The following ALKBH6 variants were observed in gnomAD, a reference collection of about 807,000 sequenced individuals.
ALKBH6 encodes the protein alkB homolog 6, nucleotide demethylase.
ALKBH6 carries 20 observed loss-of-function variants against 25.1 expected under a neutral mutation model. The ratio of observed to expected loss-of-function variants is 0.80; its 90% CI spans 0.56 to 1.16. The LOEUF is 1.16. ALKBH6 is among the 50% of genes most tolerant of loss of function. The pLI, the probability that ALKBH6 is intolerant of heterozygous loss-of-function variation, is 0.00. For missense variants in ALKBH6, 263 were observed against 326.5 expected (o/e 0.81, Z 1.50); for synonymous variants, 156 against 147.5 (o/e 1.06, Z -0.42).
In ALKBH6 at chr19:36,013,690, A is replaced by C; in HGVS notation, c.-25-268T>G. ...ACACATATGCCTTCTCAATCCTCCC[A>C]CAGAGAACATTCTCTGGCCCCACAC... On this transcript the variant is annotated intron_variant, in intron 1 of 6. Coordinates refer to ENST00000378875, the MANE Select transcript of ALKBH6 (RefSeq NM_032878.5). The surrounding 1 kb of genome is among the most constrained non-coding windows in gnomAD (Gnocchi z 4.6). 1 of 1,313,364 alleles carries C rather than the reference A, an allele frequency of 7.6e-7. No individual in the cohort carries two copies. The highest frequency in any genetic ancestry group is 1.7e-5 in the South Asian group (1 of 58,216). 81.4% of individuals were successfully genotyped at this position (1,313,364 alleles called of 1,614,324 possible).
In ALKBH6 at chr19:36,013,080, CAGGTGGTGCCT is replaced by C. The variant is rs771941246; in HGVS notation, c.55-2_63del. 1 of 1,613,980 alleles carries C rather than the reference CAGGTGGTGCCT, an allele frequency of 6.2e-7. No homozygotes were observed. The highest frequency in any genetic ancestry group is 8.5e-7 in the Non-Finnish European group (1 of 1,179,890). On this transcript the variant is annotated splice_acceptor_variant and coding_sequence_variant, in exon 3 of 7. Coordinates refer to ENST00000378875, the MANE Select transcript of ALKBH6 (RefSeq NM_032878.5). LOFTEE classifies it high-confidence loss of function. This position sits in a 1 kb window ranked among gnomAD's most constrained non-coding sequence, Gnocchi z 4.6. ...ATGAAGTCAGGGACATAGTAGATTA[CAGGTGGTGCCT>C]AGGATAGAAAGACCCCCTGAAGGTG...
Position 36,009,125 on chromosome 19 carries a change from A to AT in ALKBH6, c.*164dup, listed in dbSNP as rs539038224. The AT allele has an allele frequency of 9.3e-6, 11 of 1,179,718 alleles. No individual in the cohort carries two copies. Among genetic ancestry groups the AT allele is most frequent in the African/African-American group, 3.2e-5 (2 of 63,130 alleles). The allele number at this position is 1,179,718 out of a possible 1,614,324, so 73.1% of individuals were successfully genotyped here. Reference sequence around the variant, plus strand: ...AATAAAAATATAAAACCAAGGAAAGATTTTTTTGTTTATTTGGTATGGGGT... The same window carrying AT: ...AATAAAAATATAAAACCAAGGAAAGATTTTTTTTGTTTATTTGGTATGGGGT... On this transcript the variant is annotated 3_prime_UTR_variant, in exon 7 of 7. Transcript: ENST00000378875.
Position 36,010,824 on chromosome 19 carries a change from A to G in ALKBH6, c.336+70T>C, listed in dbSNP as rs1350098441. On this transcript the variant is annotated intron_variant, in intron 5 of 6. Coordinates refer to ENST00000378875, the MANE Select transcript of ALKBH6 (RefSeq NM_032878.5). This position sits in a 1 kb window ranked among gnomAD's most constrained non-coding sequence, Gnocchi z 5.5. Reference sequence around the variant, plus strand: ...GGCTGCCTAATGAGTGAGGGTGGGTACAGAGTCCCCTGCCCCAGCACAGCT... The same window carrying G: ...GGCTGCCTAATGAGTGAGGGTGGGTGCAGAGTCCCCTGCCCCAGCACAGCT... 6.3e-7 allele frequency: 1 copy of G among 1,595,784 alleles called. No homozygotes were observed. The highest frequency in any genetic ancestry group is 1.7e-5 in the Admixed American group (1 of 59,920).
In ALKBH6 at chr19:36,013,927, T is replaced by G; in HGVS notation, c.-26+248A>C. ...CATGTCCACCCTCAGCCTCCTCGGA[T>G]CCCCCCATTTGGACGCCCCTCGGAT... On this transcript the variant is annotated intron_variant, in intron 1 of 6. Coordinates refer to ENST00000378875, the MANE Select transcript of ALKBH6 (RefSeq NM_032878.5). This position sits in a 1 kb window ranked among gnomAD's most constrained non-coding sequence, Gnocchi z 4.6. 3 of 1,348,926 alleles carry G rather than the reference T, an allele frequency of 2.2e-6. No homozygotes were observed. The highest frequency in any genetic ancestry group is 3.2e-5 in the East Asian group (1 of 30,862). The allele number at this position is 1,348,926 out of a possible 1,614,324, so 83.6% of individuals were successfully genotyped here.
Position 36,013,777 on chromosome 19 carries a change from T to G in ALKBH6, c.-25-355A>C. ...CCAGGGCTGCACTCCAGAGCCCCTT[T>G]AAACACCTTGAGACCCCGCTTCAGA... is the stretch of plus-strand genomic sequence containing the variant. On this transcript the variant is annotated intron_variant, in intron 1 of 6. Transcript: ENST00000378875. The surrounding 1 kb of genome is among the most constrained non-coding windows in gnomAD (Gnocchi z 4.6). The G allele has an allele frequency of 7.9e-7, 1 of 1,270,100 alleles. No homozygotes were observed. The highest frequency in any genetic ancestry group is 1.5e-5 in the African/African-American group (1 of 64,756). The allele number at this position is 1,270,100 out of a possible 1,614,324, so 78.7% of individuals were successfully genotyped here. A position where few individuals can be genotyped will look rare whatever the true frequency, so the allele number is the denominator to read the frequency against.
rs1158577817 is a variant in ALKBH6, at chr19:36,009,323, G to A, written c.684C>T (p.Arg228=). ...RVSLTIRRVP[R]VLRAGLLLGK is the part of the protein sequence containing the mutation. ...CCAGCAGGAGGCCGGCGCGCAGCAC[G>A]CGGGGCACGCGGCGGATGGTCAGCG... Residue 228 remains arginine (R), a synonymous_variant, in exon 7 of 7, where the codon CGC becomes CGT. Coordinates refer to ENST00000378875, the MANE Select transcript of ALKBH6 (RefSeq NM_032878.5). 1 of 1,357,370 alleles carries A rather than the reference G, an allele frequency of 7.4e-7. No individual in the cohort carries two copies. Among genetic ancestry groups the A allele is most frequent in the Non-Finnish European group, 9.5e-7 (1 of 1,052,514 alleles). 84.1% of individuals were successfully genotyped at this position (1,357,370 alleles called of 1,614,324 possible).
Position 36,010,677 on chromosome 19 carries a change from CGTG to C in ALKBH6, c.340_342del (p.His114del), listed in dbSNP as rs1568534645. 5.6e-6 allele frequency: 9 copies of C among 1,613,666 alleles called. No homozygotes were observed. Among genetic ancestry groups the C allele is most frequent in the Non-Finnish European group, 7.6e-6 (9 of 1,179,840 alleles). On this transcript the variant is annotated inframe_deletion, in exon 6 of 7. Coordinates refer to ENST00000378875, the MANE Select transcript of ALKBH6 (RefSeq NM_032878.5). This position sits in a 1 kb window ranked among gnomAD's most constrained non-coding sequence, Gnocchi z 5.5. ...GTCGGGTAGTACAGTGGTCCGTCCTCGTGGGGCTAGGGAGTGGGCACCAGGGCT... is the reference window on the plus strand; with the variant it reads ...GTCGGGTAGTACAGTGGTCCGTCCTCGGGCTAGGGAGTGGGCACCAGGGCT...
Position 36,009,276 on chromosome 19 carries a change from C to A in ALKBH6, c.*14G>T. Reference sequence around the variant, plus strand: ...GCAGGAACCTGGGAATCCGAGGGGTCCCGGCCCTGGCGGTCACTTGCCCAG... The same window carrying A: ...GCAGGAACCTGGGAATCCGAGGGGTACCGGCCCTGGCGGTCACTTGCCCAG... On this transcript the variant is annotated 3_prime_UTR_variant, in exon 7 of 7. Coordinates refer to ENST00000378875, the MANE Select transcript of ALKBH6 (RefSeq NM_032878.5). The A allele has an allele frequency of 7.5e-7, 1 of 1,337,486 alleles. No homozygotes were observed. Among genetic ancestry groups the A allele is most frequent in the South Asian group, 1.9e-5 (1 of 53,736 alleles). 82.9% of individuals were successfully genotyped at this position (1,337,486 alleles called of 1,614,324 possible).
rs185078895 is a variant in ALKBH6 at position 36,013,108 on chromosome 19, C to G, written c.55-19G>C. 1.4e-5 allele frequency: 22 copies of G among 1,610,628 alleles called. 1 individual carries two copies. In the East Asian group the frequency reaches 4.2e-4, roughly 31 times the overall value. On this transcript the variant is annotated intron_variant, in intron 2 of 6. Transcript: ENST00000378875. The surrounding 1 kb of genome is among the most constrained non-coding windows in gnomAD (Gnocchi z 4.6). ...GTGGTGCCTAGGATAGAAAGACCCC[C>G]TGAAGGTGTGGCCCTTCAACCCACA...
Position 36,013,160 on chromosome 19 carries a change from C to A in ALKBH6, c.55-71G>T. The A allele has an allele frequency of 6.6e-7, 1 of 1,510,940 alleles. No individual in the cohort carries two copies. Among genetic ancestry groups the A allele is most frequent in the Non-Finnish European group, 9.2e-7 (1 of 1,087,872 alleles). The allele number at this position is 1,510,940 out of a possible 1,614,324, so 93.6% of individuals were successfully genotyped here. On this transcript the variant is annotated intron_variant, in intron 2 of 6. Transcript: ENST00000378875. This position sits in a 1 kb window ranked among gnomAD's most constrained non-coding sequence, Gnocchi z 4.6. ...AGAGGACATATCATCACAGAGCAAC[C>A]CCTATGCCTGGAGACAGGCTCAGGA...
At chr19:36,011,089 G>A in intron 4 of ALKBH6, 44 bp from the exon 5 acceptor site, 1 of 1,557,890 alleles carries the variant, frequency 6.4e-7, no homozygotes, top group Non-Finnish European at 8.7e-7. Context: ...TATAGCAATA[G>A]ATCCCCCATT....
intron 6 of ALKBH6, 89 bp from the exon 7 acceptor site, chr19:36,009,642 C>T: frequency 1.0e-6 from 1 of 961,458 alleles, no homozygotes. Flanking sequence ...ATCAGCTAGT[C>T]CCCAGGGGCA....
At chr19:36,011,191 C>A (rs1968603429) in intron 4 of ALKBH6, 146 bp from the exon 5 acceptor site, 1 of 1,219,638 alleles carries the variant, frequency 8.2e-7, no homozygotes, top group East Asian at 2.6e-5. Flanking sequence ...GGTTTCCTCA[C>A]TTCTCCAGAC....
In ALKBH6 at chr19:36,011,472, G is replaced by A; in HGVS notation, c.124-8C>T. ...CTTTGGGGCATTAAAAACCTAAGAG[G>A]TGGGAAGGGGGTCACTCCTTTCTCA... On this transcript the variant is annotated splice_region_variant and splice_polypyrimidine_tract_variant and intron_variant, in intron 3 of 6. Coordinates refer to ENST00000378875, the MANE Select transcript of ALKBH6 (RefSeq NM_032878.5). 6 of 1,613,764 alleles carry A rather than the reference G, an allele frequency of 3.7e-6. No homozygotes were observed. The highest frequency in any genetic ancestry group is 5.1e-6 in the Non-Finnish European group (6 of 1,179,946).
In ALKBH6 at chr19:36,010,455, G is replaced by C; in HGVS notation, c.453+112C>G. 2 of 913,908 alleles carry C rather than the reference G, an allele frequency of 2.2e-6. No homozygotes were observed. The highest frequency in any genetic ancestry group is 3.5e-6 in the Non-Finnish European group (2 of 574,362). 56.6% of individuals were successfully genotyped at this position (913,908 alleles called of 1,614,324 possible). A position where few individuals can be genotyped will look rare whatever the true frequency, so the allele number is the denominator to read the frequency against. On this transcript the variant is annotated intron_variant, in intron 6 of 6. Coordinates refer to ENST00000378875, the MANE Select transcript of ALKBH6 (RefSeq NM_032878.5). This position sits in a 1 kb window ranked among gnomAD's most constrained non-coding sequence, Gnocchi z 5.5. ...ACACCCCATGAGGGGACAAGGGAAG[G>C]TATCTGGGAGAGTGCCAGGAGTACC...
Position 36,013,725 on chromosome 19 carries a change from CT to C in ALKBH6, c.-25-304del. 1 of 1,265,546 alleles carries C rather than the reference CT, an allele frequency of 7.9e-7. No individual in the cohort carries two copies. Among genetic ancestry groups the C allele is most frequent in the Non-Finnish European group, 1.0e-6 (1 of 1,000,952 alleles). 78.4% of individuals were successfully genotyped at this position (1,265,546 alleles called of 1,614,324 possible). A position where few individuals can be genotyped will look rare whatever the true frequency, so the allele number is the denominator to read the frequency against. On this transcript the variant is annotated intron_variant, in intron 1 of 6. Coordinates refer to ENST00000378875, the MANE Select transcript of ALKBH6 (RefSeq NM_032878.5). The surrounding 1 kb of genome is among the most constrained non-coding windows in gnomAD (Gnocchi z 4.6). ...TTCTCTGGCCCCACACACAGGGAGC[CT>C]TTCTCAAAAGCTCTACACATAGCCC...
Position 36,013,596 on chromosome 19 carries a change from C to T in ALKBH6, c.-25-174G>A, listed in dbSNP as rs569319121. ...AAGCCACACAGAGAGCCCCTACGTT[C>T]CATGCCCGGACACAATGAGCCCCAA... On this transcript the variant is annotated intron_variant, in intron 1 of 6. Transcript: ENST00000378875. The surrounding 1 kb of genome is among the most constrained non-coding windows in gnomAD (Gnocchi z 4.6). 10 of 1,426,214 alleles carry T rather than the reference C, an allele frequency of 7.0e-6. No homozygotes were observed. Among genetic ancestry groups the T allele is most frequent in the South Asian group, 1.5e-5 (1 of 67,756 alleles). 88.3% of individuals were successfully genotyped at this position (1,426,214 alleles called of 1,614,324 possible).
At chr19:36,014,123 CTT>C in intron 1 of ALKBH6, 50 bp downstream of exon 1, 1 of 1,607,680 alleles carries the variant, frequency 6.2e-7, no homozygotes, top group Non-Finnish European at 8.5e-7. Context: ...CGGATCCCCA[CTT>C]TCAGCCCTAT....
rs754961938 is a variant in ALKBH6 at position 36,010,946 on chromosome 19, A to G, written c.284T>C (p.Leu95Pro). The change falls in exon 5 of 7, where the codon CTC (leucine) becomes CCC (proline). Residue 95 changes from leucine (L) to proline (P), a missense_variant. Physicochemically the swap from Leu to Pro is moderately conservative, Grantham distance 98. Around this residue, in one of 3 missense-constraint regions of ALKBH6, gnomAD observed 112 missense variants for 153.0 expected, o/e 0.73. Transcript: ENST00000378875. The surrounding 1 kb of genome is among the most constrained non-coding windows in gnomAD (Gnocchi z 5.5). ...KVSNLSLFGG[L>P]PANHVLVNQY... is the part of the protein sequence containing the mutation. ...GTTCACGAGGACATGGTTAGCTGGG[A>G]GGCCTCCAAAGAGGCTGAGGTTTGA... The G allele has an allele frequency of 5.3e-5, 86 of 1,613,924 alleles. No homozygotes were observed. The highest frequency in any genetic ancestry group is 6.9e-5 in the Non-Finnish European group (81 of 1,179,974).
Sources: allele counts gnomAD v4.1 joint callset, GRCh38; gene constraint gnomAD v4.1.1; regional missense constraint gnomAD v4.1.1; non-coding constraint Gnocchi (gnomAD v3.1); transcripts MANE v1.5; gene names NCBI Gene and HGNC (gene_info 2026-07-23, HGNC 2026-07-21).